The following C10orf71 variants were observed in gnomAD, a reference collection of about 807,000 sequenced individuals.
C10orf71 encodes cardiac-enriched FHL2-interacting protein.
For missense variants in C10orf71, 1,869 were observed against 1,804.5 expected, an observed-to-expected ratio of 1.04 and a Z score of -0.65; for synonymous variants, 758 against 726.3, an observed-to-expected ratio of 1.04 and a Z score of -0.70.
Position 49,326,962 on chromosome 10 carries a change from C to CACACGA in C10orf71, c.*109_*110insACACGA, listed in dbSNP as rs66701434. On this transcript the variant is annotated 3_prime_UTR_variant, in exon 3 of 3. Transcript: ENST00000374144. ...ACACACACACACACACACACACACACGATCATCAACACATACTTAGCCTTT... is the reference window on the plus strand; with the variant it reads ...ACACACACACACACACACACACACACACACGAGATCATCAACACATACTTAGCCTTT... 4.4e-6 allele frequency: 7 copies of CACACGA among 1,582,104 alleles called. No individual in the cohort carries two copies. The highest frequency in any genetic ancestry group is 1.7e-4 in the Middle Eastern group (1 of 6,008).
At chr10:49,310,666 A>G (rs763502870) in intron 1 of C10orf71, among the ~76,000 whole-genome samples, 1 of 152,144 alleles carries the variant, frequency 6.6e-6, no homozygotes, top group African/African-American at 2.4e-5. Flanking sequence ...TGATGCATAC[A>G]CATGAGCCGT....
chr10:49,306,277 A>G (rs898581244), intron 1 of C10orf71, among the ~76,000 whole-genome samples: 1 of 152,198 alleles, frequency 6.6e-6, no homozygotes. Flanking sequence ...TTCCATGAAA[A>G]TTCCTGTGTC....
At position 49,326,129 on chromosome 10, in the gene C10orf71, A is replaced by T; in HGVS notation, c.3584A>T (p.Asp1195Val). 6.4e-7 allele frequency: 1 copy of T among 1,551,718 alleles called. No individual in the cohort carries two copies. Among genetic ancestry groups the T allele is most frequent in the South Asian group, 1.2e-5 (1 of 84,060 alleles). ...CTGGCAAGTAAGAGGAGGAAGACGG[A>T]TCAGGCTCAGGAGAAGCATGGCGAG... ...KKLASKRRKT[D>V]QAQEKHGESQ... The change falls in exon 3 of 3, where the codon GAT becomes GTT. Residue 1195 changes from aspartate to valine, a missense_variant. Asp to Val is a radical substitution (Grantham distance 152). Transcript: ENST00000374144.
rs762918373 is a variant in C10orf71, at chr10:49,323,945, G to A, written c.1400G>A (p.Arg467Gln). 118 of 1,613,672 alleles carry A rather than the reference G, an allele frequency of 7.3e-5. No individual in the cohort carries two copies. Among genetic ancestry groups the A allele is most frequent in the Admixed American group, 5.3e-4 (32 of 59,986 alleles). Residue 467 changes from arginine to glutamine, a missense_variant, in exon 3 of 3, where the codon CGA becomes CAA. Physicochemically the swap from Arg to Gln is conservative, Grantham distance 43. Transcript: ENST00000374144. The part of the protein sequence containing the change: ...LDSADSQPAE[R>Q]TPSPPGQLNG... Reference sequence around the variant, plus strand: ...TCAGCAGACAGCCAGCCAGCAGAGCGAACCCCATCACCCCCAGGACAGCTA... The same window carrying A: ...TCAGCAGACAGCCAGCCAGCAGAGCAAACCCCATCACCCCCAGGACAGCTA...
chr10:49,316,386 A>T (rs34752051), intron 2 of C10orf71, 139 bp downstream of exon 2: 1 of 152,056 alleles, frequency 6.6e-6, no homozygotes, highest in African/African-American at 2.4e-5. Context: ...AGGTATATCA[A>T]ATCAGAACTG....
chr10:49,298,091 CCTGGCTGT>C (rs1848665757), upstream of C10orf71, among the ~76,000 whole-genome samples: 1 of 152,216 alleles, frequency 6.6e-6, no homozygotes, highest in South Asian at 2.1e-4. Flanking sequence ...TCCCTGTGGC[CCTGGCTGT>C]CAGCCGGTTC....
chr10:49,322,851 A>T lies in C10orf71; in HGVS notation c.306A>T (p.Leu102=), dbSNP rs778133779. The T allele has an allele frequency of 6.2e-6, 10 of 1,613,790 alleles. No individual in the cohort carries two copies. Among genetic ancestry groups the T allele is most frequent in the Middle Eastern group, 3.3e-4 (2 of 6,084 alleles). ...HSGWAATFQQ[L]PKYVQGEEKY... is the part of the protein sequence containing the mutation. ...GCTGGGCGGCCACCTTCCAACAGCT[A>T]CCCAAGTACGTTCAGGGAGAGGAAA... The change falls in exon 3 of 3, where the codon CTA becomes CTT. Residue 102 remains leucine, a synonymous_variant. Coordinates refer to ENST00000374144, the MANE Select transcript of C10orf71 (RefSeq NM_001135196.2).
rs1849250799 is a variant in C10orf71, at chr10:49,326,472, G to A, written c.3927G>A (p.Lys1309=). The A allele has an allele frequency of 6.5e-7, 1 of 1,550,042 alleles. No individual in the cohort carries two copies. Among genetic ancestry groups the A allele is most frequent in the Non-Finnish European group, 8.7e-7 (1 of 1,146,676 alleles). Reference sequence around the variant, plus strand: ...ACCCAGAGACGGGCAAGTATGTCAAGGTCTCCATCCCGTCCTCCGAGGGGG... The same window carrying A: ...ACCCAGAGACGGGCAAGTATGTCAAAGTCTCCATCCCGTCCTCCGAGGGGG... ...FYDPETGKYV[K]VSIPSSEGAS... The change falls in exon 3 of 3, where the codon AAG becomes AAA. Residue 1309 remains lysine (K), a synonymous_variant. Coordinates refer to ENST00000374144, the MANE Select transcript of C10orf71 (RefSeq NM_001135196.2).
chr10:49,297,280 G>T (rs181468346), upstream of C10orf71, among the ~76,000 whole-genome samples: 5 of 152,322 alleles, frequency 3.3e-5, no homozygotes, highest in East Asian at 5.8e-4. Context: ...ATGAGGTTTA[G>T]TAATGCAACA....
rs1187742554 is a variant in C10orf71, at chr10:49,323,018, G to A, written c.473G>A (p.Cys158Tyr). 1.2e-6 allele frequency: 2 copies of A among 1,613,884 alleles called. No individual in the cohort carries two copies. Among genetic ancestry groups the A allele is most frequent in the Admixed American group, 1.7e-5 (1 of 60,008 alleles). The part of the protein sequence containing the change: ...KSFDRTESQR[C>Y]ESRPTASKPP... ...TTCGACAGGACCGAGAGCCAACGTT[G>A]TGAGAGCAGGCCCACTGCCAGCAAG... Residue 158 changes from cysteine (C) to tyrosine (Y), a missense_variant, in exon 3 of 3, where the codon TGT (cysteine) becomes TAT (tyrosine). Physicochemically the swap from Cys to Tyr is radical, Grantham distance 194 (BLOSUM62 -2). Transcript: ENST00000374144.
intron 1 of C10orf71, among the ~76,000 whole-genome samples, chr10:49,308,122 G>C (rs1007801118): frequency 6.6e-6 from 1 of 152,204 alleles, no homozygotes. Flanking sequence ...TCCCCAGAGG[G>C]CAGCAGCCCC....
At chr10:49,317,995 A>G (rs1043780594) in intron 2 of C10orf71, among the ~76,000 whole-genome samples, 1 of 152,226 alleles carries the variant, frequency 6.6e-6, no homozygotes, top group African/African-American at 2.4e-5. Flanking sequence ...TCTTCCTTAC[A>G]GCCCTCATAA....
rs769072420 is a variant in C10orf71 at position 49,324,580 on chromosome 10, G to C, written c.2035G>C (p.Glu679Gln). ...TGGGCTCTCCAGATCTGTGTCCCAA[G>C]AGACAGAACCTGAGAGGGAAGCAGG... is the stretch of plus-strand genomic sequence containing the variant. Reference protein sequence around the residue: ...ENGLSRSVSQETEPEREAGLQ... With the variant: ...ENGLSRSVSQQTEPEREAGLQ... Residue 679 changes from glutamate (E) to glutamine (Q), a missense_variant, in exon 3 of 3, where the codon GAG becomes CAG. By Grantham distance (29) the Glu-to-Gln change is conservative (BLOSUM62 2). Coordinates refer to ENST00000374144, the MANE Select transcript of C10orf71 (RefSeq NM_001135196.2). The C allele has an allele frequency of 3.8e-5, 62 of 1,613,828 alleles. No individual in the cohort carries two copies. Among genetic ancestry groups the C allele is most frequent in the Non-Finnish European group, 3.8e-5 (45 of 1,179,876 alleles).
chr10:49,306,487 C>T (rs889752233), intron 1 of C10orf71, among the ~76,000 whole-genome samples: 1 of 152,202 alleles, frequency 6.6e-6, no homozygotes, highest in Admixed American at 6.5e-5. Context: ...TTCCAGAATC[C>T]AGGGCAAGAT....
intron 1 of C10orf71, among the ~76,000 whole-genome samples, chr10:49,310,448 G>GAAGGTGGT (rs1848891026): frequency 6.6e-6 from 1 of 152,174 alleles, no homozygotes; most frequent in South Asian, 2.1e-4. Flanking sequence ...GGAGAAAGCA[G>GAAGGTGGT]AAGGTGGTAA....
At position 49,324,452 on chromosome 10, in the gene C10orf71, C is replaced by G; in HGVS notation, c.1907C>G (p.Ser636Cys). ...GCCGGATCCAGCTGGTGTCCAGACT[C>G]CAGGGAACACCGCCCCAGGAAACAC... is the stretch of plus-strand genomic sequence containing the variant. ...GPAGSSWCPD[S>C]REHRPRKHLS... Residue 636 changes from serine to cysteine, a missense_variant, in exon 3 of 3, where the codon TCC becomes TGC. By Grantham distance (112) the Ser-to-Cys change is moderately radical. Coordinates refer to ENST00000374144, the MANE Select transcript of C10orf71 (RefSeq NM_001135196.2). 6.2e-7 allele frequency: 1 copy of G among 1,607,284 alleles called. No homozygotes were observed. Among genetic ancestry groups the G allele is most frequent in the Non-Finnish European group, 8.5e-7 (1 of 1,176,554 alleles).
intron 2 of C10orf71, among the ~76,000 whole-genome samples, chr10:49,321,093 ATCC>A (rs1407910144): frequency 6.6e-6 from 1 of 151,736 alleles, no homozygotes; most frequent in Non-Finnish European, 1.5e-5. Flanking sequence ...CATAATATCT[ATCC>A]TCAGCAAATT....
At chr10:49,308,714 G>A (rs555812994) in intron 1 of C10orf71, among the ~76,000 whole-genome samples, 1 of 152,220 alleles carries the variant, frequency 6.6e-6, no homozygotes, top group South Asian at 2.1e-4. Context: ...ACCAAAACTG[G>A]TGACGTGAAG....
At position 49,327,264 on chromosome 10, in the gene C10orf71, A is replaced by C; in HGVS notation, c.*411A>C. 6.0e-6 allele frequency: 2 copies of C among 333,146 alleles called. No homozygotes were observed. The highest frequency in any genetic ancestry group is 1.2e-5 in the Non-Finnish European group (2 of 161,692). The allele number at this position is 333,146 out of a possible 1,614,324, so 20.6% of individuals were successfully genotyped here. ...TACCCACACCCACCCACTCACTTGTAAGCTCCTTGATGAGCAAACCCCTAA... is the reference window on the plus strand; with the variant it reads ...TACCCACACCCACCCACTCACTTGTCAGCTCCTTGATGAGCAAACCCCTAA... On this transcript the variant is annotated 3_prime_UTR_variant, in exon 3 of 3. Transcript: ENST00000374144.
Sources: gnomAD v4.1 joint callset for allele counts (sites outside exome capture counted in the v4.1 genomes callset) on GRCh38, gnomAD v4.1.1 for gene constraint, MANE v1.5 for transcripts, NCBI Gene and HGNC (gene_info 2026-07-23, HGNC 2026-07-21) for gene names.